Variants in LRP1B observed in about 807,000 individuals in gnomAD.
LRP1B encodes the protein LDL receptor related protein 1B.
A neutral mutation model predicts 556.6 loss-of-function variants in LRP1B; 217 were observed. That is an observed-to-expected ratio of 0.39 (90% CI 0.35 to 0.44). The LOEUF (loss-of-function observed/expected upper bound fraction) is 0.44. Among genes scored for constraint, LRP1B ranks in the 20% least tolerant of loss-of-function variants. The pLI is 1.00. For synonymous variants in LRP1B, 2,047 were observed against 1,865.8 expected, an observed-to-expected ratio of 1.10 and a Z score of -2.50; for missense variants, 5,053 against 5,620.8, an observed-to-expected ratio of 0.90 and a Z score of 3.23.
At chr2:141,045,678 A>G (rs1698847819) in intron 11 of LRP1B, among the ~76,000 whole-genome samples, 1 of 152,098 alleles carries the variant, frequency 6.6e-6, no homozygotes, top group Admixed American at 6.6e-5. Context: ...GCTGTTGGAT[A>G]TATGCTAAAT....
intron 21 of LRP1B, among the ~76,000 whole-genome samples, chr2:140,915,523 G>A (rs1370860466): frequency 6.6e-6 from 1 of 151,704 alleles, no homozygotes; most frequent in Non-Finnish European, 1.5e-5. Flanking sequence ...GTGTGGTGAT[G>A]CATGCCTATA....
chr2:141,520,727 C>CA (rs896584470), intron 2 of LRP1B, among the ~76,000 whole-genome samples: 2 of 152,074 alleles, frequency 1.3e-5, no homozygotes, highest in African/African-American at 4.8e-5. Flanking sequence ...GCCAAACACA[C>CA]AAAAAAAAGT....
At chr2:140,432,075 C>T in intron 66 of LRP1B, among the ~76,000 whole-genome samples, 1 of 152,192 alleles carries the variant, frequency 6.6e-6, no homozygotes, top group Non-Finnish European at 1.5e-5. Flanking sequence ...CCCGCCTTAA[C>T]TGATGACATT....
At chr2:141,844,949 C>T (rs1223550179) in intron 1 of LRP1B, among the ~76,000 whole-genome samples, 1 of 151,648 alleles carries the variant, frequency 6.6e-6, no homozygotes, top group Non-Finnish European at 1.5e-5. Context: ...TCATGTTTGC[C>T]TTATACCTAT....
intron 1 of LRP1B, among the ~76,000 whole-genome samples, chr2:141,819,106 G>A (rs1393196838): frequency 1.2e-3 from 1 of 832 alleles, no homozygotes; most frequent in Non-Finnish European, 1.9e-3. Context: ...AGGAGTGGTG[G>A]TGCACACCTG....
chr2:141,478,765 G>A (rs1005729858), intron 3 of LRP1B, among the ~76,000 whole-genome samples: 9 of 151,914 alleles, frequency 5.9e-5, no homozygotes, highest in Non-Finnish European at 1.2e-4. Context: ...TGCTGGTCTC[G>A]AACTCCTGAC....
chr2:140,862,012 T>A (rs924798005), intron 27 of LRP1B, among the ~76,000 whole-genome samples: 1 of 152,214 alleles, frequency 6.6e-6, no homozygotes, highest in African/African-American at 2.4e-5. Context: ...TTGCCCTTTT[T>A]CATTTTCTGT....
chr2:140,621,007 C>T (rs1683429401), intron 41 of LRP1B, among the ~76,000 whole-genome samples: 1 of 151,980 alleles, frequency 6.6e-6, no homozygotes, highest in Admixed American at 6.6e-5. Flanking sequence ...CAAAGTTCCA[C>T]TCATCTATTG....
chr2:140,956,187 C>T (rs140788364), intron 18 of LRP1B, among the ~76,000 whole-genome samples: 40 of 151,822 alleles, frequency 2.6e-4, no homozygotes, highest in African/African-American at 9.6e-4. Context: ...ATACTCTTGA[C>T]AATATCCCTG....
At position 140,311,408 on chromosome 2, in the gene LRP1B, T is replaced by C. The variant is rs115361181; in HGVS notation, c.12805+3527A>G. Reference sequence around the variant, plus strand: ...ACATGGATGAAACTGAAGGCCATTATCTTGAGCAAAACATCTCAGAAAGTC... The same window carrying C: ...ACATGGATGAAACTGAAGGCCATTACCTTGAGCAAAACATCTCAGAAAGTC... On this transcript the variant is annotated intron_variant, in intron 83 of 90. Coordinates refer to ENST00000389484, the MANE Select transcript of LRP1B (RefSeq NM_018557.3). 2.8e-3 allele frequency among the ~76,000 whole-genome samples: 431 copies of C among 152,034 alleles called. 3 individuals are homozygous for C. Among genetic ancestry groups the C allele is most frequent in the African/African-American group, 9.7e-3 (402 of 41,556 alleles).
At chr2:140,654,025 CAAAAAAAAAAAAAAA>C (rs61199077) in intron 41 of LRP1B, among the ~76,000 whole-genome samples, 4 of 35,398 alleles carry the variant, frequency 1.1e-4, no homozygotes, top group African/African-American at 1.9e-4. Context: ...GACTCCATCT[CAAAAAAAAAAAAAAA>C]AAAAAAAAAA....
chr2:141,471,268 A>ATGTTTTTTTTTTTTTTTTTTTTTTTTT lies in LRP1B; in HGVS notation c.343+9127_343+9128insAAAAAAAAAAAAAAAAAAAAAAAAACA, dbSNP rs1553518973. Among the ~76,000 whole-genome samples the ATGTTTTTTTTTTTTTTTTTTTTTTTTT allele has an allele frequency of 1.6e-4, 5 of 31,902 alleles. 1 individual carries two copies. Among genetic ancestry groups the ATGTTTTTTTTTTTTTTTTTTTTTTTTT allele is most frequent in the Non-Finnish European group, 7.9e-5 (1 of 12,686 alleles). The allele number at this position is 31,902 out of a possible 152,430, so 20.9% of individuals were successfully genotyped here. ...AATACTATTGAGAATATACCCTGGT[A>ATGTTTTTTTTTTTTTTTTTTTTTTTTT]TTTTTTTTTTTTTTTTTTTTTTTTT... On this transcript the variant is annotated intron_variant, in intron 3 of 90. Coordinates refer to ENST00000389484, the MANE Select transcript of LRP1B (RefSeq NM_018557.3).
intron 1 of LRP1B, among the ~76,000 whole-genome samples, chr2:142,047,312 G>A (rs772668596): frequency 2.0e-5 from 3 of 151,878 alleles, no homozygotes; most frequent in Non-Finnish European, 2.9e-5. Flanking sequence ...TTGTTCCCAT[G>A]TGTAGTCACA....
At chr2:141,141,201 G>A (rs989137900) in intron 7 of LRP1B, among the ~76,000 whole-genome samples, 1 of 152,116 alleles carries the variant, frequency 6.6e-6, no homozygotes, top group African/African-American at 2.4e-5. Flanking sequence ...ACTTTGTTAT[G>A]GTTAATCGTC....
chr2:140,348,496 G>A (rs926185522), intron 77 of LRP1B, among the ~76,000 whole-genome samples: 1 of 151,984 alleles, frequency 6.6e-6, no homozygotes, highest in Non-Finnish European at 1.5e-5. Flanking sequence ...CTACTGTTAT[G>A]CATTTTTCTT....
chr2:140,404,168 CTTTT>C lies in LRP1B; in HGVS notation c.10415-18163_10415-18160del, dbSNP rs68017900. Among the ~76,000 whole-genome samples, 375 of 92,422 alleles carry C rather than the reference CTTTT, an allele frequency of 4.1e-3. 3 individuals are homozygous for C. Among genetic ancestry groups the C allele is most frequent in the African/African-American group, 0.015 (348 of 22,544 alleles). 60.6% of individuals were successfully genotyped at this position (92,422 alleles called of 152,430 possible). ...CTGGATCTGTACCAAAATAGAACTTCTTTTTTTTTTTTTTTTTTTTTTTTGAGAC... is the reference window on the plus strand; with the variant it reads ...CTGGATCTGTACCAAAATAGAACTTCTTTTTTTTTTTTTTTTTTTTGAGAC... On this transcript the variant is annotated intron_variant, in intron 66 of 90. Transcript: ENST00000389484.
At chr2:142,120,308 C>T (rs1249004922) in intron 1 of LRP1B, among the ~76,000 whole-genome samples, 2 of 152,112 alleles carry the variant, frequency 1.3e-5, no homozygotes, top group African/African-American at 4.8e-5. Context: ...GACAGGGTTT[C>T]ACCATGTTGG....
At chr2:141,325,581 C>G (rs1202912172) in intron 3 of LRP1B, among the ~76,000 whole-genome samples, 1 of 151,940 alleles carries the variant, frequency 6.6e-6, no homozygotes, top group African/African-American at 2.4e-5. Flanking sequence ...CTTAGCTGGT[C>G]TTTGTATTCC....
At chr2:141,508,086 C>CCT (rs916593796) in intron 2 of LRP1B, among the ~76,000 whole-genome samples, 45 of 30,246 alleles carry the variant, frequency 1.5e-3, no homozygotes, top group African/African-American at 2.9e-3. Flanking sequence ...ACTCCATCCC[C>CCT]CCCCCAAAAA....
Sources: allele counts gnomAD v4.1 joint callset (sites outside exome capture counted in the v4.1 genomes callset), GRCh38; gene constraint gnomAD v4.1.1; transcripts MANE v1.5; gene names NCBI Gene and HGNC (gene_info 2026-07-23, HGNC 2026-07-21).